DCDC2: variants seen among roughly 807,000 people sequenced by gnomAD.
The protein encoded by DCDC2 is doublecortin domain-containing protein 2.
In DCDC2, 40 loss-of-function variants were observed where a neutral mutation model predicts 50.2. The ratio of observed to expected loss-of-function variants is 0.80; its 90% CI spans 0.62 to 1.04. DCDC2 has a LOEUF of 1.04. Among genes scored for constraint, DCDC2 ranks in the 50% least tolerant of loss-of-function variants. DCDC2 has a pLI of 0.00. For synonymous variants in DCDC2, 234 were observed against 210.6 expected, an observed-to-expected ratio of 1.11 and a Z score of -0.96; for missense variants, 570 against 581.9, an observed-to-expected ratio of 0.98 and a Z score of 0.21.
intron 4 of DCDC2, among the ~76,000 whole-genome samples, chr6:24,297,144 C>CAG (rs1415924873): frequency 1.3e-5 from 2 of 152,134 alleles, no homozygotes; most frequent in African/African-American, 4.8e-5. Flanking sequence ...AAAAAAGGGT[C>CAG]AGATCATGTC....
intron 6 of DCDC2, among the ~76,000 whole-genome samples, chr6:24,285,826 T>C (rs184198982): frequency 1.2e-4 from 19 of 152,348 alleles, no homozygotes; most frequent in Non-Finnish European, 4.4e-5. Flanking sequence ...ACTTTGGTCC[T>C]GACATCGACT....
At chr6:24,295,640 C>A (rs943337352) in intron 4 of DCDC2, among the ~76,000 whole-genome samples, 10 of 152,278 alleles carry the variant, frequency 6.6e-5, no homozygotes, top group Admixed American at 2.0e-4. Flanking sequence ...GATACAAAAT[C>A]AATGTACAAA....
intron 8 of DCDC2, 117 bp from the exon 9 acceptor site, chr6:24,178,749 A>C: frequency 9.4e-7 from 1 of 1,063,412 alleles, no homozygotes; most frequent in Non-Finnish European, 1.4e-6. Context: ...TTACATTTGC[A>C]TAGTACTTTA....
intron 9 of DCDC2, among the ~76,000 whole-genome samples, chr6:24,176,678 TAC>T (rs1360776086): frequency 6.6e-6 from 1 of 152,244 alleles, no homozygotes; most frequent in Non-Finnish European, 1.5e-5. Context: ...ATTGTTATTA[TAC>T]GTTAGACACC....
the DCDC2 span, among the ~76,000 whole-genome samples, chr6:24,381,876 AAG>A: frequency 6.7e-6 from 1 of 150,172 alleles, no homozygotes; most frequent in Non-Finnish European, 1.5e-5. Context: ...AAAAGAAAGA[AAG>A]AGATAAAGAA....
intron 2 of DCDC2, among the ~76,000 whole-genome samples, chr6:24,316,688 T>C (rs948837683): frequency 5.9e-5 from 9 of 152,184 alleles, no homozygotes; most frequent in African/African-American, 2.2e-4. Context: ...AAATGTGTTA[T>C]ATCCTTTGAC....
intron 8 of DCDC2, 31 bp from the exon 9 acceptor site, chr6:24,178,663 G>A: frequency 1.3e-6 from 2 of 1,586,116 alleles, no homozygotes; most frequent in Non-Finnish European, 1.7e-6. Context: ...ATGGATAAAA[G>A]TAAGAAGCAT....
intron 7 of DCDC2, among the ~76,000 whole-genome samples, chr6:24,251,781 T>C (rs1479197696): frequency 2.0e-5 from 3 of 152,240 alleles, no homozygotes; most frequent in East Asian, 3.8e-4. Context: ...CTGTTATCTT[T>C]CTATGCACAT....
chr6:24,248,072 A>G (rs1762722625), intron 7 of DCDC2, among the ~76,000 whole-genome samples: 1 of 152,174 alleles, frequency 6.6e-6, no homozygotes, highest in Non-Finnish European at 1.5e-5. Context: ...ACAAAACTCC[A>G]TCTCAAAAAT....
intron 7 of DCDC2, among the ~76,000 whole-genome samples, chr6:24,218,202 G>C (rs1378931305): frequency 1.3e-5 from 2 of 152,154 alleles, no homozygotes; most frequent in African/African-American, 4.8e-5. Context: ...AATGGGAAAA[G>C]AGATCTCAGT....
At chr6:24,296,991 T>C (rs1759265756) in intron 4 of DCDC2, among the ~76,000 whole-genome samples, 1 of 152,198 alleles carries the variant, frequency 6.6e-6, no homozygotes, top group Admixed American at 6.6e-5. Context: ...TAAATCATTC[T>C]ACCATAAAGA....
chr6:24,347,617 C>T (rs1360287191), intron 2 of DCDC2, among the ~76,000 whole-genome samples: 1 of 152,100 alleles, frequency 6.6e-6, no homozygotes, highest in Non-Finnish European at 1.5e-5. Context: ...AATATGATGA[C>T]ATTTTATATA....
chr6:24,358,891 A>T (rs1372764232), upstream of DCDC2, among the ~76,000 whole-genome samples: 16 of 21,182 alleles, frequency 7.6e-4, no homozygotes, highest in African/African-American at 2.7e-3. Flanking sequence ...ATATATATTT[A>T]TATATATAAT....
At position 24,357,849 on chromosome 6, in the gene DCDC2, T is replaced by A. The variant is rs1760509085; in HGVS notation, c.-99A>T. On this transcript the variant is annotated 5_prime_UTR_variant, in exon 1 of 10. Coordinates refer to ENST00000378454, the MANE Select transcript of DCDC2 (RefSeq NM_016356.5). ...GCACCCAGGGCGCGGGATCGCCTCC[T>A]GAAACGAACGAGAAACTGACGAATC... 1.9e-6 allele frequency: 3 copies of A among 1,591,750 alleles called. No homozygotes were observed. Among genetic ancestry groups the A allele is most frequent in the Non-Finnish European group, 2.6e-6 (3 of 1,168,252 alleles).
At chr6:24,213,086 A>G (rs1206579925) in intron 7 of DCDC2, among the ~76,000 whole-genome samples, 5 of 152,210 alleles carry the variant, frequency 3.3e-5, no homozygotes, top group Non-Finnish European at 7.3e-5. Flanking sequence ...AAGTAAAGAT[A>G]ATCAGAATTT....
At chr6:24,202,209 TG>T (rs1476511066) in intron 8 of DCDC2, among the ~76,000 whole-genome samples, 10 of 152,184 alleles carry the variant, frequency 6.6e-5, no homozygotes, top group Admixed American at 6.5e-4. Context: ...ATATACCTGA[TG>T]AATATTGACA....
At chr6:24,285,482 G>A (rs1192415155) in intron 6 of DCDC2, among the ~76,000 whole-genome samples, 1 of 151,542 alleles carries the variant, frequency 6.6e-6, no homozygotes, top group Admixed American at 6.6e-5. Context: ...TTTCACTTTT[G>A]TCTACTCAAG....
At chr6:24,344,761 G>C (rs1387748559) in intron 2 of DCDC2, among the ~76,000 whole-genome samples, 3 of 152,172 alleles carry the variant, frequency 2.0e-5, no homozygotes, top group African/African-American at 7.2e-5. Flanking sequence ...GGTAAAACAA[G>C]AAAGTGTGAA....
intron 2 of DCDC2, among the ~76,000 whole-genome samples, chr6:24,326,018 A>T (rs544003171): frequency 4.0e-5 from 6 of 149,122 alleles, no homozygotes; most frequent in Non-Finnish European, 7.4e-5. Context: ...TATTATCAAC[A>T]TATGTAGGAA....
Sources: allele counts gnomAD v4.1 joint callset (sites outside exome capture counted in the v4.1 genomes callset), GRCh38; gene constraint gnomAD v4.1.1; transcripts MANE v1.5; gene names NCBI Gene and HGNC (gene_info 2026-07-23, HGNC 2026-07-21).